Variants in RAPGEF5 observed in about 807,000 individuals in gnomAD.
RAPGEF5 encodes M-Ras-regulated GEF.
A neutral mutation model predicts 125.2 loss-of-function variants in RAPGEF5; 65 were observed. The ratio of observed to expected loss-of-function variants is 0.52; its 90% CI spans 0.43 to 0.64. The LOEUF (loss-of-function observed/expected upper bound fraction) is 0.64, where lower values mean the gene tolerates loss of function less well. Ranked by LOEUF, RAPGEF5 falls within the 30% of genes least tolerant of loss-of-function variation. The pLI is 0.00. For synonymous variants in RAPGEF5, 391 were observed against 385.9 expected (o/e 1.01, Z -0.16); for missense variants, 958 against 1,048.1 (o/e 0.91, Z 1.19).
At chr7:22,146,193 T>C (rs1342790669) in intron 19 of RAPGEF5, among the ~76,000 whole-genome samples, 1 of 152,188 alleles carries the variant, frequency 6.6e-6, no homozygotes, top group African/African-American at 2.4e-5. Context: ...AGGTTCCTTC[T>C]TCAGAAGGAA....
chr7:22,345,983 C>T (rs1306829460), intron 1 of RAPGEF5, among the ~76,000 whole-genome samples: 1 of 152,148 alleles, frequency 6.6e-6, no homozygotes, highest in Non-Finnish European at 1.5e-5. Flanking sequence ...CAAATGCTCC[C>T]TCTGCTAATG....
At chr7:22,126,809 G>C (rs1782759982) in intron 24 of RAPGEF5, among the ~76,000 whole-genome samples, 2 of 151,694 alleles carry the variant, frequency 1.3e-5, no homozygotes, top group African/African-American at 2.4e-5. Flanking sequence ...TTTTAGTAGA[G>C]ATGGGGTTTC....
intron 8 of RAPGEF5, among the ~76,000 whole-genome samples, chr7:22,228,972 G>A (rs1785991498): frequency 6.6e-6 from 1 of 152,032 alleles, no homozygotes; most frequent in South Asian, 2.1e-4. Flanking sequence ...TTCAACCTCA[G>A]GACAAGCTTA....
intron 20 of RAPGEF5, among the ~76,000 whole-genome samples, chr7:22,142,541 T>C (rs186865241): frequency 6.6e-6 from 1 of 152,246 alleles, no homozygotes; most frequent in African/African-American, 2.4e-5. Flanking sequence ...AACACACATA[T>C]AACTAACATC....
chr7:22,143,601 T>C (rs186531312), intron 20 of RAPGEF5, among the ~76,000 whole-genome samples: 2 of 152,334 alleles, frequency 1.3e-5, no homozygotes, highest in Non-Finnish European at 2.9e-5. Flanking sequence ...CTCTGCTTCA[T>C]TGTCTCCACT....
At chr7:22,172,300 T>A (rs1432049085) in intron 11 of RAPGEF5, among the ~76,000 whole-genome samples, 3 of 152,024 alleles carry the variant, frequency 2.0e-5, no homozygotes, top group Non-Finnish European at 4.4e-5. Flanking sequence ...TTTTTGTATT[T>A]TTAGTAGAGA....
intron 5 of RAPGEF5, among the ~76,000 whole-genome samples, chr7:22,301,532 G>A (rs1173919854): frequency 1.3e-5 from 2 of 150,706 alleles, no homozygotes; most frequent in African/African-American, 2.4e-5. Context: ...GGAGAATGGC[G>A]TGAACCCGGG....
At chr7:22,173,578 A>G (rs17146352) in intron 11 of RAPGEF5, among the ~76,000 whole-genome samples, 2,975 of 152,320 alleles carry the variant, frequency 0.02, 50 homozygotes, top group Middle Eastern at 0.041. Context: ...ACACTCTTCA[A>G]ATAATCAAAT....
chr7:22,297,766 T>A (rs1024846683), intron 5 of RAPGEF5, among the ~76,000 whole-genome samples: 2 of 152,250 alleles, frequency 1.3e-5, no homozygotes, highest in Non-Finnish European at 2.9e-5. Flanking sequence ...TATCTCTTTT[T>A]CTTGACTTTT....
In RAPGEF5 at chr7:22,193,913, A is replaced by G; in HGVS notation, c.1115+2T>C. The G allele has an allele frequency of 6.2e-7, 1 of 1,613,188 alleles. No individual in the cohort carries two copies. The highest frequency in any genetic ancestry group is 8.5e-7 in the Non-Finnish European group (1 of 1,179,598). Reference sequence around the variant, plus strand: ...CCTCTGTGGCTGCAGGGAAACTCTCACCTCCAATGGCTCTCCGCACTCCCA... The same window carrying G: ...CCTCTGTGGCTGCAGGGAAACTCTCGCCTCCAATGGCTCTCCGCACTCCCA... On this transcript the variant is annotated splice_donor_variant, in intron 10 of 25. Transcript: ENST00000665637. LOFTEE classifies it high-confidence loss of function.
At chr7:22,310,795 A>G (rs1783451261) in intron 3 of RAPGEF5, among the ~76,000 whole-genome samples, 1 of 152,164 alleles carries the variant, frequency 6.6e-6, no homozygotes, top group Non-Finnish European at 1.5e-5. Context: ...ATAAACCCAG[A>G]TGTGTTGGAT....
chr7:22,232,855 T>C (rs1295078415), intron 7 of RAPGEF5, among the ~76,000 whole-genome samples: 1 of 152,166 alleles, frequency 6.6e-6, no homozygotes, highest in African/African-American at 2.4e-5. Context: ...GCTACTTCTT[T>C]TGTAACTTTA....
At chr7:22,214,642 A>C (rs1785589941) in intron 9 of RAPGEF5, among the ~76,000 whole-genome samples, 1 of 152,140 alleles carries the variant, frequency 6.6e-6, no homozygotes, top group East Asian at 1.9e-4. Flanking sequence ...TTTCAAATCT[A>C]AGTTACGACT....
At chr7:22,228,029 T>C (rs1399965799) in intron 8 of RAPGEF5, among the ~76,000 whole-genome samples, 1 of 152,198 alleles carries the variant, frequency 6.6e-6, no homozygotes, top group Non-Finnish European at 1.5e-5. Flanking sequence ...TGCTGCAACT[T>C]GGCCCAGTTA....
intron 1 of RAPGEF5, 143 bp from the exon 2 acceptor site, chr7:22,318,180 C>A: frequency 1.2e-6 from 1 of 827,044 alleles, no homozygotes; most frequent in South Asian, 2.0e-5. Context: ...AATCATGGTC[C>A]CTAAGGGCTT....
At chr7:22,146,821 G>A (rs551797967) in intron 19 of RAPGEF5, 76 bp downstream of exon 19, 106 of 1,487,818 alleles carry the variant, frequency 7.1e-5, no homozygotes, top group Admixed American at 8.6e-5. Flanking sequence ...TTTCATCACC[G>A]CACGCATTGA....
chr7:22,223,548 T>A (rs937305025), intron 8 of RAPGEF5, among the ~76,000 whole-genome samples: 7 of 152,178 alleles, frequency 4.6e-5, no homozygotes, highest in Admixed American at 2.0e-4. Flanking sequence ...CCAGGATGTT[T>A]ACCTTTATTA....
In RAPGEF5 at chr7:22,121,200, A is replaced by G. The variant is rs1401192610; in HGVS notation, c.*1206T>C. The stretch of plus-strand genomic sequence containing the variant: ...GCCTCAATTGGTAAAAATGGGAATA[A>G]TAAGATTTTAGAAGACTCAGATTTT... On this transcript the variant is annotated 3_prime_UTR_variant, in exon 26 of 26. Coordinates refer to ENST00000665637, the MANE Select transcript of RAPGEF5 (RefSeq NM_012294.5). 1 of 151,102 alleles carries G rather than the reference A, an allele frequency of 6.6e-6. No individual in the cohort carries two copies. Among genetic ancestry groups the G allele is most frequent in the African/African-American group, 2.4e-5 (1 of 40,934 alleles). 9.4% of individuals were successfully genotyped at this position (151,102 alleles called of 1,614,324 possible). A position where few individuals can be genotyped will look rare whatever the true frequency, so the allele number is the denominator to read the frequency against.
At chr7:22,165,750 A>G (rs1372259714) in intron 12 of RAPGEF5, among the ~76,000 whole-genome samples, 1 of 152,122 alleles carries the variant, frequency 6.6e-6, no homozygotes, top group African/African-American at 2.4e-5. Flanking sequence ...TAGGTGGGAA[A>G]ATGCTGTAAA....
Sources: gnomAD v4.1 joint callset for allele counts (sites outside exome capture counted in the v4.1 genomes callset) on GRCh38, gnomAD v4.1.1 for gene constraint, MANE v1.5 for transcripts, NCBI Gene and HGNC (gene_info 2026-07-23, HGNC 2026-07-21) for gene names.